WDFY2: variants seen among roughly 807,000 people sequenced by gnomAD.
WDFY2 encodes the protein WD repeat and FYVE domain-containing protein 2.
WDFY2 carries 36 observed loss-of-function variants against 56.4 expected under a neutral mutation model. The observed-to-expected ratio is 0.64, with a 90% CI of 0.49 to 0.84. The LOEUF is 0.84. Ranked by LOEUF, WDFY2 falls within the 40% of genes least tolerant of loss-of-function variation. The pLI is 0.00. For synonymous variants in WDFY2, 176 were observed against 183.7 expected (o/e 0.96, Z 0.34); for missense variants, 444 against 512.2 (o/e 0.87, Z 1.29).
rs1211499931 is a variant in WDFY2 at position 51,756,382 on chromosome 13, G to A, written c.984G>A (p.Lys328=). 1 of 1,614,012 alleles carries A rather than the reference G, an allele frequency of 6.2e-7. No individual in the cohort carries two copies. Among genetic ancestry groups the A allele is most frequent in the East Asian group, 2.2e-5 (1 of 44,890 alleles). Residue 328 remains lysine, a synonymous_variant, in exon 10 of 12, where the codon AAG becomes AAA. Transcript: ENST00000298125. ...GKAVCGKCSS[K]RSSIPLMGFE... The stretch of plus-strand genomic sequence containing the variant: ...CCGTCTGTGGCAAGTGCAGCTCCAA[G>A]CGCTCCTCCATCCCCCTGATGGGCT...
At chr13:51,634,283 T>C (rs1177888937) in intron 1 of WDFY2, among the ~76,000 whole-genome samples, 1 of 151,578 alleles carries the variant, frequency 6.6e-6, no homozygotes, top group East Asian at 1.9e-4. Context: ...TTTTCAGAAG[T>C]AGTGGATGAA....
chr13:51,638,463 C>T (rs1955094120), intron 1 of WDFY2, among the ~76,000 whole-genome samples: 1 of 152,080 alleles, frequency 6.6e-6, no homozygotes, highest in Non-Finnish European at 1.5e-5. Flanking sequence ...TTAGTATTCC[C>T]AAATAAGTGC....
chr13:51,635,808 A>C (rs886932709), intron 1 of WDFY2, among the ~76,000 whole-genome samples: 1 of 152,376 alleles, frequency 6.6e-6, no homozygotes, highest in South Asian at 2.1e-4. Flanking sequence ...TCTGAAAATA[A>C]TGAATGCTCA....
intron 4 of WDFY2, among the ~76,000 whole-genome samples, chr13:51,710,777 C>T (rs934354271): frequency 5.9e-5 from 9 of 151,658 alleles, no homozygotes; most frequent in East Asian, 3.9e-4. Context: ...CACTGCTCAA[C>T]GAAATAAAAG....
At chr13:51,637,190 T>C (rs2138393908) in intron 1 of WDFY2, among the ~76,000 whole-genome samples, 1 of 152,272 alleles carries the variant, frequency 6.6e-6, no homozygotes, top group South Asian at 2.1e-4. Flanking sequence ...AGAGGTATGA[T>C]GAGTTAGGGC....
intron 3 of WDFY2, among the ~76,000 whole-genome samples, chr13:51,703,084 A>G (rs1007572589): frequency 1.3e-5 from 2 of 152,230 alleles, no homozygotes; most frequent in African/African-American, 4.8e-5. Context: ...TTAATTACCT[A>G]CTGTGCCAAG....
At position 51,584,680 on chromosome 13, in the gene WDFY2, C is replaced by T. The variant is rs762793034; in HGVS notation, c.-8C>T. 29 of 1,609,664 alleles carry T rather than the reference C, an allele frequency of 1.8e-5. No homozygotes were observed. Among genetic ancestry groups the T allele is most frequent in the Non-Finnish European group, 2.0e-5 (24 of 1,178,488 alleles). On this transcript the variant is annotated 5_prime_UTR_variant, in exon 1 of 12. Transcript: ENST00000298125. ...GGCGGCGGCGCCCCAGGCGCGCCCC[C>T]TCCTCCGATGGCGGCGGAGATCCAG...
At chr13:51,665,996 C>G (rs1016695620) in intron 2 of WDFY2, among the ~76,000 whole-genome samples, 1 of 152,138 alleles carries the variant, frequency 6.6e-6, no homozygotes, top group African/African-American at 2.4e-5. Flanking sequence ...TGGCATTTAC[C>G]CAGTCTGAAG....
chr13:51,627,032 C>T (rs780402418), intron 1 of WDFY2, among the ~76,000 whole-genome samples: 11 of 152,226 alleles, frequency 7.2e-5, no homozygotes, highest in Non-Finnish European at 1.2e-4. Flanking sequence ...CTGTGAAGGG[C>T]GGGCAGCTTC....
intron 2 of WDFY2, among the ~76,000 whole-genome samples, chr13:51,662,233 A>G (rs1955628700): frequency 6.6e-6 from 1 of 152,130 alleles, no homozygotes; most frequent in South Asian, 2.1e-4. Flanking sequence ...GGCCTCCCAA[A>G]GTGCTTACAG....
intron 4 of WDFY2, 114 bp from the exon 5 acceptor site, chr13:51,719,084 G>T: frequency 7.0e-7 from 1 of 1,433,554 alleles, no homozygotes; most frequent in Non-Finnish European, 9.6e-7. Context: ...AAATGGTTCT[G>T]CTGTTCAGCT....
At position 51,716,692 on chromosome 13, in the gene WDFY2, C is replaced by CAAA. The variant is rs34618973; in HGVS notation, c.335-2488_335-2486dup. 9.1e-4 allele frequency among the ~76,000 whole-genome samples: 50 copies of CAAA among 55,058 alleles called. 1 individual carries two copies. Among genetic ancestry groups the CAAA allele is most frequent in the Middle Eastern group, 0.014 (1 of 72 alleles). The allele number at this position is 55,058 out of a possible 152,430, so 36.1% of individuals were successfully genotyped here. On this transcript the variant is annotated intron_variant, in intron 4 of 11. Coordinates refer to ENST00000298125, the MANE Select transcript of WDFY2 (RefSeq NM_052950.4). ...TGGGCGACAGAGCGAGACTCCGTCTCAAAAAAAAAAAAAAAAAAAATCAAC... is the reference window on the plus strand; with the variant it reads ...TGGGCGACAGAGCGAGACTCCGTCTCAAAAAAAAAAAAAAAAAAAAAAATCAAC...
At chr13:51,674,349 G>A (rs965240894) in intron 2 of WDFY2, among the ~76,000 whole-genome samples, 1 of 152,134 alleles carries the variant, frequency 6.6e-6, no homozygotes, top group Non-Finnish European at 1.5e-5. Context: ...TATTTAGTGG[G>A]AGCAGTTAGG....
At chr13:51,695,800 G>T (rs1403641147) in intron 3 of WDFY2, among the ~76,000 whole-genome samples, 1 of 152,350 alleles carries the variant, frequency 6.6e-6, no homozygotes, top group East Asian at 1.9e-4. Context: ...ACAGAGGCAG[G>T]CAGGCCTCCT....
chr13:51,614,061 CTGTAATCCCAA>C (rs1187611527), intron 1 of WDFY2, among the ~76,000 whole-genome samples: 3 of 151,884 alleles, frequency 2.0e-5, no homozygotes, highest in Non-Finnish European at 4.4e-5. Flanking sequence ...TGGTGGGCGC[CTGTAATCCCAA>C]CTACTTGGGA....
chr13:51,630,596 G>A (rs1954934141), intron 1 of WDFY2, among the ~76,000 whole-genome samples: 2 of 151,468 alleles, frequency 1.3e-5, no homozygotes, highest in African/African-American at 2.4e-5. Context: ...CAGTCAGATG[G>A]GTGGTATTTT....
chr13:51,621,419 C>T (rs950744966), intron 1 of WDFY2, among the ~76,000 whole-genome samples: 2 of 152,100 alleles, frequency 1.3e-5, no homozygotes, highest in Non-Finnish European at 2.9e-5. Flanking sequence ...GCAGGAGAAT[C>T]GCTTGAACCC....
chr13:51,719,331 T>C lies in WDFY2; in HGVS notation c.468T>C (p.Ala156=), dbSNP rs1430835337. The part of the protein sequence containing the change: ...GQRLGGYRTS[A]VASGLQFDVE... Reference sequence around the variant, plus strand: ...GCCTGGGAGGTTATCGGACCAGTGCTGTGGCCTCAGGCCTGCAGTATCCTT... The same window carrying C: ...GCCTGGGAGGTTATCGGACCAGTGCCGTGGCCTCAGGCCTGCAGTATCCTT... The change falls in exon 5 of 12, where the codon GCT becomes GCC. Residue 156 remains alanine (A), a synonymous_variant. Coordinates refer to ENST00000298125, the MANE Select transcript of WDFY2 (RefSeq NM_052950.4). The C allele has an allele frequency of 4.4e-6, 7 of 1,603,332 alleles. No individual in the cohort carries two copies. The highest frequency in any genetic ancestry group is 2.2e-5 in the East Asian group (1 of 44,748).
chr13:51,693,492 T>G (rs1266980840), intron 3 of WDFY2, among the ~76,000 whole-genome samples: 5 of 152,138 alleles, frequency 3.3e-5, no homozygotes, highest in Non-Finnish European at 7.4e-5. Context: ...GTTGAGCCGT[T>G]TTGAGTGAGT....
Sources: allele counts gnomAD v4.1 joint callset (sites outside exome capture counted in the v4.1 genomes callset), GRCh38; gene constraint gnomAD v4.1.1; transcripts MANE v1.5; gene names NCBI Gene and HGNC (gene_info 2026-07-23, HGNC 2026-07-21).